The following CPQ variants were observed in gnomAD, a reference collection of about 807,000 sequenced individuals.
CPQ encodes carboxypeptidase Q.
Under a neutral mutation model 45.7 loss-of-function variants are expected in CPQ, and 37 were observed. The observed-to-expected ratio is 0.81, with a 90% CI of 0.62 to 1.07. The LOEUF is 1.07. Among genes scored for constraint, CPQ ranks in the 50% least tolerant of loss-of-function variants. CPQ has a pLI of 0.00. For synonymous variants in CPQ, 186 were observed against 205.8 expected (o/e 0.90, Z 0.82); for missense variants, 537 against 572.9 (o/e 0.94, Z 0.64).
intron 1 of CPQ, among the ~76,000 whole-genome samples, chr8:96,726,463 T>C (rs1809840586): frequency 6.6e-6 from 1 of 152,124 alleles, no homozygotes; most frequent in Non-Finnish European, 1.5e-5. Flanking sequence ...TAATATCTGC[T>C]TGGCTTCTGA....
intron 4 of CPQ, among the ~76,000 whole-genome samples, chr8:96,951,990 C>A (rs1813273416): frequency 6.6e-6 from 1 of 151,998 alleles, no homozygotes; most frequent in Admixed American, 6.6e-5. Context: ...TTACAACACA[C>A]TTTTTAAGGG....
At chr8:96,648,005 T>C (rs1171208122) in intron 1 of CPQ, among the ~76,000 whole-genome samples, 2 of 152,126 alleles carry the variant, frequency 1.3e-5, no homozygotes, top group South Asian at 2.1e-4. Flanking sequence ...CAACCCCTAG[T>C]ATAGACAAAG....
intron 2 of CPQ, among the ~76,000 whole-genome samples, chr8:96,834,605 G>A (rs956428652): frequency 1.3e-5 from 2 of 152,116 alleles, no homozygotes; most frequent in Admixed American, 6.6e-5. Flanking sequence ...CCTAAGGAGA[G>A]CTTTCTGAAA....
chr8:96,719,168 A>G (rs1245263085), intron 1 of CPQ, among the ~76,000 whole-genome samples: 1 of 152,184 alleles, frequency 6.6e-6, no homozygotes, highest in South Asian at 2.1e-4. Flanking sequence ...CAGGCCACAC[A>G]GGAGCCCATG....
chr8:96,977,501 GGAAAA>G (rs1813809865), intron 5 of CPQ, among the ~76,000 whole-genome samples: 1 of 152,084 alleles, frequency 6.6e-6, no homozygotes, highest in Admixed American at 6.5e-5. Flanking sequence ...TCTACCCAGA[GGAAAA>G]GAAGTCAGTA....
intron 5 of CPQ, among the ~76,000 whole-genome samples, chr8:97,019,504 C>T (rs1253469344): frequency 6.6e-6 from 1 of 152,104 alleles, no homozygotes; most frequent in Non-Finnish European, 1.5e-5. Flanking sequence ...TAAGTGCTCA[C>T]ATAAACTTAA....
chr8:97,018,026 C>A (rs1015730934), intron 5 of CPQ, among the ~76,000 whole-genome samples: 2 of 152,286 alleles, frequency 1.3e-5, no homozygotes, highest in East Asian at 3.9e-4. Context: ...ATGCTAATAT[C>A]CATGGCTGAG....
At chr8:96,934,242 G>C (rs147109675) in intron 4 of CPQ, among the ~76,000 whole-genome samples, 1 of 152,302 alleles carries the variant, frequency 6.6e-6, no homozygotes, top group African/African-American at 2.4e-5. Context: ...TTTTAAGTGA[G>C]AGAAACACAC....
At chr8:97,112,151 A>T (rs1321378922) in intron 7 of CPQ, among the ~76,000 whole-genome samples, 6 of 141,284 alleles carry the variant, frequency 4.2e-5, no homozygotes, top group Admixed American at 7.2e-5. Flanking sequence ...TATTATTTTT[A>T]TTTTTTTTTT....
At chr8:96,798,314 A>T (rs894994401) in intron 2 of CPQ, among the ~76,000 whole-genome samples, 5 of 151,712 alleles carry the variant, frequency 3.3e-5, no homozygotes, top group Non-Finnish European at 7.4e-5. Context: ...ATTTTTTTTA[A>T]TAAAGATGAG....
At chr8:96,873,412 T>A (rs1181227264) in intron 3 of CPQ, among the ~76,000 whole-genome samples, 3 of 151,750 alleles carry the variant, frequency 2.0e-5, no homozygotes, top group African/African-American at 7.2e-5. Context: ...GTGTTATTAA[T>A]GACAGTTTAA....
chr8:96,720,120 G>A (rs933559822), intron 1 of CPQ, among the ~76,000 whole-genome samples: 1 of 151,976 alleles, frequency 6.6e-6, no homozygotes, highest in African/African-American at 2.4e-5. Context: ...TGCCATCTTG[G>A]AAAAAAATGT....
intron 1 of CPQ, among the ~76,000 whole-genome samples, chr8:96,746,918 C>G (rs1810192594): frequency 6.6e-6 from 1 of 152,148 alleles, no homozygotes; most frequent in African/African-American, 2.4e-5. Context: ...AATGTGCGTT[C>G]CAAAATATTT....
chr8:96,735,631 T>G (rs937826721), intron 1 of CPQ, among the ~76,000 whole-genome samples: 2 of 152,220 alleles, frequency 1.3e-5, no homozygotes, highest in Admixed American at 6.5e-5. Flanking sequence ...TCTTGGTTAT[T>G]GGGTGTTTCT....
At chr8:96,908,987 G>A (rs1322882305) in intron 4 of CPQ, among the ~76,000 whole-genome samples, 1 of 152,034 alleles carries the variant, frequency 6.6e-6, no homozygotes, top group Non-Finnish European at 1.5e-5. Context: ...TCTAAAGCTT[G>A]GTCAGTGTTC....
At chr8:97,093,546 A>G (rs992995197) in intron 7 of CPQ, among the ~76,000 whole-genome samples, 1 of 152,140 alleles carries the variant, frequency 6.6e-6, no homozygotes, top group Non-Finnish European at 1.5e-5. Context: ...CCCCTAAACC[A>G]AAAATAAAAG....
chr8:97,122,711 C>T (rs780284487), intron 7 of CPQ, among the ~76,000 whole-genome samples: 19 of 151,350 alleles, frequency 1.3e-4, no homozygotes, highest in South Asian at 2.1e-4. Context: ...AAGCTGAAAT[C>T]GCATCTCTAC....
intron 2 of CPQ, among the ~76,000 whole-genome samples, chr8:96,796,122 CT>C (rs1810924200): frequency 6.6e-6 from 1 of 152,166 alleles, no homozygotes; most frequent in South Asian, 2.1e-4. Context: ...CACCTATTCT[CT>C]TATTAGCAGT....
intron 5 of CPQ, among the ~76,000 whole-genome samples, chr8:97,023,534 A>G (rs1169344415): frequency 6.6e-6 from 1 of 152,238 alleles, no homozygotes; most frequent in Non-Finnish European, 1.5e-5. Context: ...AAACTGGGCT[A>G]GGCCAGAAAT....
Sources: gnomAD v4.1 joint callset for allele counts (sites outside exome capture counted in the v4.1 genomes callset) on GRCh38, gnomAD v4.1.1 for gene constraint, MANE v1.5 for transcripts, NCBI Gene and HGNC (gene_info 2026-07-23, HGNC 2026-07-21) for gene names.